The following LDLRAD4 variants were observed in gnomAD, a reference collection of about 807,000 sequenced individuals.
LDLRAD4 encodes low-density lipoprotein receptor class A domain-containing protein 4.
A neutral mutation model predicts 17.0 loss-of-function variants in LDLRAD4; 5 were observed. That is an observed-to-expected ratio of 0.29 (90% CI 0.15 to 0.62). LDLRAD4 has a LOEUF of 0.62. Ranked by LOEUF, LDLRAD4 falls within the 20% of genes least tolerant of loss-of-function variation. The probability of loss-of-function intolerance (pLI) is 0.84; values close to 1 mark genes in which losing one functional copy is unlikely to be tolerated. For missense variants in LDLRAD4, 340 were observed against 424.7 expected (o/e 0.80, Z 1.75); for synonymous variants, 168 against 171.8 (o/e 0.98, Z 0.17).
At chr18:13,348,974 C>A (rs938647921) in intron 1 of LDLRAD4, among the ~76,000 whole-genome samples, 2 of 152,214 alleles carry the variant, frequency 1.3e-5, no homozygotes, top group South Asian at 4.1e-4. Flanking sequence ...CCATCTGTCA[C>A]CCCTTTCCTT....
intron 3 of LDLRAD4, among the ~76,000 whole-genome samples, chr18:13,500,354 C>T (rs1024686748): frequency 2.6e-5 from 4 of 152,334 alleles, no homozygotes; most frequent in Non-Finnish European, 4.4e-5. Context: ...ACAGTGGCCG[C>T]GTCTCTGTCT....
chr18:13,617,097 G>T (rs1217948265), intron 3 of LDLRAD4, among the ~76,000 whole-genome samples: 1 of 151,160 alleles, frequency 6.6e-6, no homozygotes, highest in Non-Finnish European at 1.5e-5. Context: ...AGATGGTGGG[G>T]CCTTTACTTT....
intron 2 of LDLRAD4, among the ~76,000 whole-genome samples, chr18:13,397,354 A>G (rs2086789119): frequency 6.6e-6 from 1 of 152,176 alleles, no homozygotes; most frequent in African/African-American, 2.4e-5. Flanking sequence ...CCTGTTAGCC[A>G]GGATGGTCTC....
chr18:13,259,705 C>T (rs2043705586), intron 1 of LDLRAD4, among the ~76,000 whole-genome samples: 1 of 151,996 alleles, frequency 6.6e-6, no homozygotes, highest in African/African-American at 2.4e-5. Flanking sequence ...CCCTCCCTCC[C>T]TCCATTTGTG....
At chr18:13,273,223 C>T (rs544377690), upstream of LDLRAD4, among the ~76,000 whole-genome samples, 5 of 152,260 alleles carry the variant, frequency 3.3e-5, no homozygotes, top group African/African-American at 1.2e-4. Flanking sequence ...TCATATGTCA[C>T]CAGCTGCTCC....
intron 1 of LDLRAD4, among the ~76,000 whole-genome samples, chr18:13,247,951 G>GCC (rs56030309): frequency 4.9e-5 from 7 of 142,816 alleles, no homozygotes; most frequent in Middle Eastern, 3.7e-3. Flanking sequence ...ACACAGCGCC[G>GCC]CCCCCCGCCT....
At chr18:13,640,169 T>C (rs1052705502) in intron 4 of LDLRAD4, among the ~76,000 whole-genome samples, 2 of 151,612 alleles carry the variant, frequency 1.3e-5, no homozygotes, top group African/African-American at 4.9e-5. Flanking sequence ...GGCGGGCGCC[T>C]GTAGTCCCAT....
At chr18:13,404,838 C>G (rs996041715) in intron 2 of LDLRAD4, among the ~76,000 whole-genome samples, 4 of 151,522 alleles carry the variant, frequency 2.6e-5, no homozygotes, top group Non-Finnish European at 5.9e-5. Flanking sequence ...TAAAAAGTAA[C>G]TGTACAAATT....
intron 1 of LDLRAD4, among the ~76,000 whole-genome samples, chr18:13,318,927 G>A (rs1445386906): frequency 6.6e-6 from 1 of 152,138 alleles, no homozygotes; most frequent in Non-Finnish European, 1.5e-5. Context: ...CTAGTGACTC[G>A]CTGTCCCCTT....
At chr18:13,594,086 CAT>C (rs1160216344) in intron 3 of LDLRAD4, among the ~76,000 whole-genome samples, 57 of 152,238 alleles carry the variant, frequency 3.7e-4, no homozygotes, top group African/African-American at 7.7e-4. Flanking sequence ...ATTTTATACA[CAT>C]GTGTCTTGGG....
intron 3 of LDLRAD4, among the ~76,000 whole-genome samples, chr18:13,477,624 G>A (rs1330416419): frequency 1.3e-5 from 2 of 152,188 alleles, no homozygotes; most frequent in Non-Finnish European, 2.9e-5. Flanking sequence ...GCAATTAGAG[G>A]TGTTTTCTAG....
At chr18:13,428,414 G>A (rs746851526) in intron 2 of LDLRAD4, among the ~76,000 whole-genome samples, 17 of 152,210 alleles carry the variant, frequency 1.1e-4, no homozygotes, top group Non-Finnish European at 1.8e-4. Flanking sequence ...AGCCAACCTC[G>A]GGAGGGCAAG....
intron 1 of LDLRAD4, among the ~76,000 whole-genome samples, chr18:13,330,551 C>T (rs796517955): frequency 8.8e-4 from 134 of 152,094 alleles, no homozygotes; most frequent in African/African-American, 3.0e-3. Flanking sequence ...TTATTGCTAC[C>T]GTAAATAGGA....
intron 3 of LDLRAD4, among the ~76,000 whole-genome samples, chr18:13,470,174 G>T (rs1568207600): frequency 6.6e-6 from 1 of 152,144 alleles, no homozygotes; most frequent in African/African-American, 2.4e-5. Flanking sequence ...GACATCCAAA[G>T]GGGTGCACAT....
Position 13,621,136 on chromosome 18 carries a change from A to AATC in LDLRAD4, c.211_213dup (p.Ile71dup). On this transcript the variant is annotated inframe_insertion, in exon 4 of 6. Transcript: ENST00000359446. The surrounding 1 kb of genome is among the most constrained non-coding windows in gnomAD (Gnocchi z 5.5). ...TGGCAGCGGAGCTGGAGTTCGCCCAAATCATCATCATCGTCGTGGTGGTCA... is the reference window on the plus strand; with the variant it reads ...TGGCAGCGGAGCTGGAGTTCGCCCAAATCATCATCATCATCGTCGTGGTGGTCA... 1 of 1,614,148 alleles carries AATC rather than the reference A, an allele frequency of 6.2e-7. No homozygotes were observed. Among genetic ancestry groups the AATC allele is most frequent in the Middle Eastern group, 1.6e-4 (1 of 6,062 alleles).
rs577747598 is a variant in LDLRAD4 at position 13,533,321 on chromosome 18, T to C, written c.182-87796T>C. On this transcript the variant is annotated intron_variant, in intron 3 of 5. Transcript: ENST00000359446. Reference sequence around the variant, plus strand: ...CAACTACTGTCAAACATTTACTTTTTAACTCCTCATGACCACTTTGAAGAA... The same window carrying C: ...CAACTACTGTCAAACATTTACTTTTCAACTCCTCATGACCACTTTGAAGAA... Among the ~76,000 whole-genome samples the C allele has an allele frequency of 2.3e-4, 35 of 152,352 alleles. 1 individual carries two copies. In the South Asian group the frequency reaches 7.1e-3, roughly 31 times the overall value.
At chr18:13,634,151 A>G (rs2041897028) in intron 4 of LDLRAD4, among the ~76,000 whole-genome samples, 1 of 152,256 alleles carries the variant, frequency 6.6e-6, no homozygotes, top group Non-Finnish European at 1.5e-5. Context: ...ACCGGGAACA[A>G]GACAAGGATG....
At chr18:13,404,792 C>T (rs1010273795) in intron 2 of LDLRAD4, among the ~76,000 whole-genome samples, 52 of 148,844 alleles carry the variant, frequency 3.5e-4, no homozygotes, top group Admixed American at 2.5e-3. Flanking sequence ...AGCGAAACTC[C>T]GTCTCAAAAA....
intron 1 of LDLRAD4, among the ~76,000 whole-genome samples, chr18:13,360,158 G>A (rs557724565): frequency 2.6e-4 from 40 of 152,314 alleles, no homozygotes; most frequent in African/African-American, 9.4e-4. Flanking sequence ...CACCAAGCTG[G>A]CCTTGCTTGG....
Sources: allele counts gnomAD v4.1 joint callset (sites outside exome capture counted in the v4.1 genomes callset), GRCh38; gene constraint gnomAD v4.1.1; non-coding constraint Gnocchi (gnomAD v3.1); transcripts MANE v1.5; gene names NCBI Gene and HGNC (gene_info 2026-07-23, HGNC 2026-07-21).